The following SKIC3 variants were observed in gnomAD, a reference collection of about 807,000 sequenced individuals.
The protein encoded by SKIC3 is superkiller complex protein 3.
the SKIC3 span, chr5:95,517,242 G>A: frequency 6.2e-7 from 1 of 1,613,254 alleles, no homozygotes; most frequent in Non-Finnish European, 8.5e-7. Context: ...CACTTTAGAT[G>A]GTGCGACAGC....
chr5:95,506,175 A>C, the SKIC3 span, among the ~76,000 whole-genome samples: 1 of 152,176 alleles, frequency 6.6e-6, no homozygotes, highest in Non-Finnish European at 1.5e-5. Flanking sequence ...TTGAAAGGAG[A>C]GGCAGTCAGA....
chr5:95,470,694 A>G, the SKIC3 span, among the ~76,000 whole-genome samples: 1 of 152,168 alleles, frequency 6.6e-6, no homozygotes, highest in Non-Finnish European at 1.5e-5. Flanking sequence ...ATTAAATCAA[A>G]GTAATCAGTA....
chr5:95,485,919 G>A, the SKIC3 span, among the ~76,000 whole-genome samples: 1 of 152,110 alleles, frequency 6.6e-6, no homozygotes, highest in Admixed American at 6.5e-5. Flanking sequence ...TCGTCTGCTC[G>A]GCTGGGATCA....
the SKIC3 span, among the ~76,000 whole-genome samples, chr5:95,494,206 T>C: frequency 6.6e-6 from 1 of 152,186 alleles, no homozygotes; most frequent in South Asian, 2.1e-4. Context: ...AAGCAGACAT[T>C]CCTTTAGGCC....
At chr5:95,491,082 T>C in the SKIC3 span, 3 of 1,610,678 alleles carry the variant, frequency 1.9e-6, no homozygotes, top group East Asian at 4.5e-5. Flanking sequence ...AAAATCAACA[T>C]GTTGCTTAAA....
chr5:95,468,011 T>G, the SKIC3 span: 1 of 1,612,328 alleles, frequency 6.2e-7, no homozygotes. Context: ...AAATTTACAT[T>G]TAGTCCAAAG....
At chr5:95,502,982 A>G in the SKIC3 span, 1 of 1,614,102 alleles carries the variant, frequency 6.2e-7, no homozygotes, top group Non-Finnish European at 8.5e-7. Flanking sequence ...CGATTCAACA[A>G]TAGACAAGGC....
the SKIC3 span, chr5:95,482,563 G>C: frequency 6.2e-7 from 1 of 1,614,016 alleles, no homozygotes; most frequent in Non-Finnish European, 8.5e-7. Context: ...GTGACTCCAG[G>C]AGTGGTTTAC....
the SKIC3 span, among the ~76,000 whole-genome samples, chr5:95,506,063 C>T: frequency 6.6e-6 from 1 of 152,246 alleles, no homozygotes; most frequent in Non-Finnish European, 1.5e-5. Context: ...ATACTTTATT[C>T]TACACAATAT....
chr5:95,467,996 A>G, the SKIC3 span: 1 of 1,613,184 alleles, frequency 6.2e-7, no homozygotes, highest in Non-Finnish European at 8.5e-7. Context: ...CTCTCTGGAA[A>G]AAAAAAATTT....
At chr5:95,471,002 T>C in the SKIC3 span, among the ~76,000 whole-genome samples, 1 of 152,186 alleles carries the variant, frequency 6.6e-6, no homozygotes, top group African/African-American at 2.4e-5. Flanking sequence ...TCAATATATA[T>C]AGTCTATTTC....
the SKIC3 span, chr5:95,497,276 T>C: frequency 1.2e-6 from 1 of 810,768 alleles, no homozygotes; most frequent in African/African-American, 1.7e-5. Flanking sequence ...GAATGACTAA[T>C]GGAAAATTTA....
the SKIC3 span, among the ~76,000 whole-genome samples, chr5:95,551,021 T>C: frequency 6.6e-6 from 1 of 152,136 alleles, no homozygotes; most frequent in African/African-American, 2.4e-5. Flanking sequence ...CAAGGACATC[T>C]ACAGACAACT....
the SKIC3 span, among the ~76,000 whole-genome samples, chr5:95,479,021 AAAAC>A: frequency 6.6e-6 from 1 of 152,188 alleles, no homozygotes; most frequent in Non-Finnish European, 1.5e-5. Context: ...ACAATAAAGC[AAAAC>A]AAACAAATCA....
chr5:95,478,474 G>C, the SKIC3 span: 5 of 1,613,254 alleles, frequency 3.1e-6, no homozygotes, highest in African/African-American at 5.3e-5. Flanking sequence ...GGAGGCAAAG[G>C]ATTTTAGTTT....
At chr5:95,539,149 C>A in the SKIC3 span, among the ~76,000 whole-genome samples, 1 of 151,064 alleles carries the variant, frequency 6.6e-6, no homozygotes, top group Non-Finnish European at 1.5e-5. Flanking sequence ...ACATACAATC[C>A]TTTTTTTTTG....
chr5:95,547,241 TGGAAAA>T, the SKIC3 span: 1 of 1,142,438 alleles, frequency 8.8e-7, no homozygotes, highest in South Asian at 1.2e-5. Context: ...AAAGGGACCC[TGGAAAA>T]GGAAAAGACT....
the SKIC3 span, chr5:95,530,037 T>G: frequency 1.2e-6 from 2 of 1,600,888 alleles, no homozygotes; most frequent in Non-Finnish European, 1.7e-6. Flanking sequence ...AAATGCCTAC[T>G]GACTGAATAA....
At chr5:95,518,560 G>A in the SKIC3 span, among the ~76,000 whole-genome samples, 1 of 151,844 alleles carries the variant, frequency 6.6e-6, no homozygotes, top group Non-Finnish European at 1.5e-5. Flanking sequence ...CACATATGGT[G>A]GTTAACTTTC....
Sources: gnomAD v4.1 joint callset for allele counts (sites outside exome capture counted in the v4.1 genomes callset) on GRCh38, gnomAD v4.1.1 for gene constraint, MANE v1.5 for transcripts, NCBI Gene and HGNC (gene_info 2026-07-23, HGNC 2026-07-21) for gene names.